The following HEPH variants were observed in gnomAD, a reference collection of about 807,000 sequenced individuals.
HEPH encodes hephaestin.
A neutral mutation model predicts 80.8 loss-of-function variants in HEPH; 69 were observed. That is an observed-to-expected ratio of 0.85 (90% CI 0.70 to 1.04). HEPH has a LOEUF of 1.04. Ranked by LOEUF, HEPH falls within the 50% of genes least tolerant of loss-of-function variation. HEPH has a pLI of 0.00. For synonymous variants in HEPH, 431 were observed against 322.8 expected, an observed-to-expected ratio of 1.34 and a Z score of -3.60; for missense variants, 1,115 against 891.3, an observed-to-expected ratio of 1.25 and a Z score of -3.20.
chrX:66,168,548 G>A, intron 1 of HEPH, among the ~76,000 whole-genome samples: 2 of 111,808 alleles, frequency 1.8e-5, no homozygotes, highest in Admixed American at 1.9e-4. Flanking sequence ...TACATCAAGA[G>A]CTTTCTGCCA....
chrX:66,206,339 C>CT (rs760184190), intron 13 of HEPH, among the ~76,000 whole-genome samples: 488 of 14,076 alleles, frequency 0.035, 213 homozygotes, highest in Non-Finnish European at 0.055. Context: ...AACCTGCCAT[C>CT]TTTTTTTTTT....
At chrX:66,264,932 G>A (rs1434587648) in intron 20 of HEPH, among the ~76,000 whole-genome samples, 2 of 107,228 alleles carry the variant, frequency 1.9e-5, no homozygotes, top group Non-Finnish European at 3.8e-5. Flanking sequence ...CATATTTTGT[G>A]TACATATATA....
intron 15 of HEPH, among the ~76,000 whole-genome samples, chrX:66,222,796 G>T (rs747084609): frequency 1.2e-4 from 13 of 112,016 alleles, no homozygotes; most frequent in Admixed American, 4.7e-4. Flanking sequence ...CTTTGACTTG[G>T]CAAGTCCCCA....
chrX:66,195,599 C>A (rs1486385339), intron 9 of HEPH, among the ~76,000 whole-genome samples: 1 of 111,052 alleles, frequency 9.0e-6, no homozygotes, highest in Non-Finnish European at 1.9e-5. Flanking sequence ...ATGGTTTGTA[C>A]AGTTTTGCAT....
At chrX:66,192,612 T>C (rs1370664584) in intron 7 of HEPH, among the ~76,000 whole-genome samples, 1 of 111,925 alleles carries the variant, frequency 8.9e-6, no homozygotes, top group Non-Finnish European at 1.9e-5. Flanking sequence ...AGTTCTTGTA[T>C]CAGTTGAAAT....
chrX:66,222,408 A>C (rs1280620670), intron 15 of HEPH, among the ~76,000 whole-genome samples: 1 of 112,695 alleles, frequency 8.9e-6, no homozygotes, highest in Admixed American at 9.3e-5. Flanking sequence ...TGCCATGTGC[A>C]CAAGCATAAC....
At chrX:66,223,265 TG>T (rs1254951086) in intron 15 of HEPH, among the ~76,000 whole-genome samples, 1 of 111,848 alleles carries the variant, frequency 8.9e-6, no homozygotes, top group Admixed American at 9.5e-5. Flanking sequence ...ATTGACTTTT[TG>T]TTTTAAATGT....
At chrX:66,173,449 G>A (rs1396865901) in intron 3 of HEPH, 140 bp from the exon 4 acceptor site, 2 of 439,003 alleles carry the variant, frequency 4.6e-6, no homozygotes, top group African/African-American at 4.9e-5. Flanking sequence ...TAGGTTGTGA[G>A]GAATACTATG....
intron 17 of HEPH, among the ~76,000 whole-genome samples, chrX:66,256,957 T>C (rs1461669886): frequency 8.9e-6 from 1 of 112,039 alleles, no homozygotes; most frequent in Non-Finnish European, 1.9e-5. Context: ...GTGTAGCTTT[T>C]CAAAAACAAG....
chrX:66,202,662 C>T (rs1012318633), intron 12 of HEPH, among the ~76,000 whole-genome samples: 2 of 110,148 alleles, frequency 1.8e-5, no homozygotes, highest in Non-Finnish European at 3.8e-5. Flanking sequence ...TTGAAGTCTA[C>T]TTTATTTCTT....
intron 15 of HEPH, among the ~76,000 whole-genome samples, chrX:66,239,842 C>T (rs1257174773): frequency 8.9e-6 from 1 of 111,914 alleles, no homozygotes; most frequent in Admixed American, 9.5e-5. Context: ...AAAATTAAAT[C>T]ACCTCACAAT....
intron 15 of HEPH, among the ~76,000 whole-genome samples, chrX:66,247,298 TATATTA>T (rs1322440221): frequency 9.3e-6 from 1 of 107,921 alleles, no homozygotes; most frequent in African/African-American, 3.4e-5. Context: ...CCATAATACA[TATATTA>T]ATCCGCTTGA....
At chrX:66,186,752 G>A (rs1411947797) in intron 4 of HEPH, among the ~76,000 whole-genome samples, 1 of 112,172 alleles carries the variant, frequency 8.9e-6, no homozygotes, top group Non-Finnish European at 1.9e-5. Context: ...TGTGCTTCTT[G>A]TATTTGGATG....
intron 15 of HEPH, among the ~76,000 whole-genome samples, chrX:66,232,869 C>T (rs966601582): frequency 3.6e-5 from 4 of 109,997 alleles, no homozygotes; most frequent in Non-Finnish European, 7.6e-5. Flanking sequence ...AAATTATACC[C>T]TTTGAAAAGC....
At chrX:66,256,017 T>C in intron 16 of HEPH, 88 bp from the exon 17 acceptor site, 1 of 604,169 alleles carries the variant, frequency 1.7e-6, no homozygotes, top group South Asian at 2.9e-5. Flanking sequence ...CACAGTGGGC[T>C]TGTATGAGAA....
Position 66,173,573 on chromosome X carries a change from A to C in HEPH, c.413-16A>C, listed in dbSNP as rs201151685. ...TCACTTATTCTGGGCCTGTGCATGT[A>C]CAATTTCATTTCTAGGTTCCCTATA... On this transcript the variant is annotated splice_polypyrimidine_tract_variant and intron_variant, in intron 3 of 20. Transcript: ENST00000343002. 4.3e-6 allele frequency: 5 copies of C among 1,170,336 alleles called. No homozygotes were observed. Among genetic ancestry groups the C allele is most frequent in the Middle Eastern group, 2.4e-4 (1 of 4,200 alleles).
chrX:66,198,757 G>T (rs916318040), intron 10 of HEPH, 121 bp from the exon 11 acceptor site: 5 of 535,730 alleles, frequency 9.3e-6, no homozygotes, highest in East Asian at 6.8e-5. Flanking sequence ...AGGAGGTATG[G>T]TCTCAAAATG....
At chrX:66,227,749 C>T (rs2089950783) in intron 15 of HEPH, among the ~76,000 whole-genome samples, 1 of 111,203 alleles carries the variant, frequency 9.0e-6, no homozygotes, top group African/African-American at 3.3e-5. Context: ...TGTTCCATTG[C>T]TCTATGTGCC....
intron 15 of HEPH, among the ~76,000 whole-genome samples, chrX:66,245,837 C>T (rs369168038): frequency 1.1e-4 from 12 of 112,219 alleles, no homozygotes; most frequent in East Asian, 8.5e-4. Flanking sequence ...CACTCAAAAC[C>T]GCTCAACTAC....
Sources: gnomAD v4.1 joint callset for allele counts (sites outside exome capture counted in the v4.1 genomes callset) on GRCh38, gnomAD v4.1.1 for gene constraint, MANE v1.5 for transcripts, NCBI Gene and HGNC (gene_info 2026-07-23, HGNC 2026-07-21) for gene names.